The following HMCN2 variants were observed in gnomAD, a reference collection of about 807,000 sequenced individuals.
The protein encoded by HMCN2 is hemicentin-2.
HMCN2 carries 325 observed loss-of-function variants against 377.5 expected under a neutral mutation model. The ratio of observed to expected loss-of-function variants is 0.86; its 90% CI spans 0.79 to 0.94. The LOEUF is 0.94. HMCN2 is among the 40% of genes least tolerant of loss of function. The pLI, the probability that HMCN2 is intolerant of heterozygous loss-of-function variation, is 0.00. For synonymous variants in HMCN2, 2,007 were observed against 2,046.8 expected, an observed-to-expected ratio of 0.98 and a Z score of 0.53; for missense variants, 4,543 against 4,725.3, an observed-to-expected ratio of 0.96 and a Z score of 1.13.
At chr9:130,425,189 G>A (rs1467322002) in intron 89 of HMCN2, 59 bp downstream of exon 89, 22 of 1,475,600 alleles carry the variant, frequency 1.5e-5, no homozygotes, top group Admixed American at 6.9e-5. Context: ...GAAGGTGCCC[G>A]GCTCTCAACC....
At chr9:130,377,855 G>A (rs1588346355) in intron 53 of HMCN2, 56 bp downstream of exon 53, 1 of 983,506 alleles carries the variant, frequency 1.0e-6, no homozygotes. Context: ...GGACATTGTG[G>A]GGCTGGCCCT....
At chr9:130,395,612 G>A (rs1489216557) in intron 71 of HMCN2, among the ~76,000 whole-genome samples, 1 of 152,228 alleles carries the variant, frequency 6.6e-6, no homozygotes, top group Non-Finnish European at 1.5e-5. Context: ...GCTATGCTTA[G>A]CAGCTGTGTG....
At chr9:130,285,808 G>T (rs1362764250) in intron 3 of HMCN2, among the ~76,000 whole-genome samples, 2 of 152,138 alleles carry the variant, frequency 1.3e-5, no homozygotes, top group East Asian at 3.9e-4. Flanking sequence ...CACAGGGCCG[G>T]GACTGCTTCT....
rs890889039 is a variant in HMCN2 at position 130,391,187 on chromosome 9, C to T, written c.9668-17C>T. 1.0e-6 allele frequency: 1 copy of T among 988,052 alleles called. No homozygotes were observed. The allele number at this position is 988,052 out of a possible 1,614,324, so 61.2% of individuals were successfully genotyped here. On this transcript the variant is annotated splice_polypyrimidine_tract_variant and intron_variant, in intron 63 of 97. Transcript: ENST00000683500. The stretch of plus-strand genomic sequence containing the variant: ...GCCCCTGCCATCACCCAGGGCCTCA[C>T]TGCACCCCTGCCTCAGTGGCCCCCC...
At chr9:130,420,065 CTTTTTTTTT>C (rs10586199) in intron 86 of HMCN2, among the ~76,000 whole-genome samples, 1 of 77,028 alleles carries the variant, frequency 1.3e-5, no homozygotes, top group Non-Finnish European at 2.4e-5. Context: ...CGTCCCACTT[CTTTTTTTTT>C]TTTTTTTTTT....
chr9:130,273,980 A>G (rs781990433), intron 1 of HMCN2, among the ~76,000 whole-genome samples: 1 of 152,212 alleles, frequency 6.6e-6, no homozygotes, highest in Non-Finnish European at 1.5e-5. Context: ...GTTGAATTTT[A>G]GCAAGTGATT....
intron 43 of HMCN2, among the ~76,000 whole-genome samples, chr9:130,367,131 G>T (rs1444761774): frequency 6.6e-6 from 1 of 152,156 alleles, no homozygotes; most frequent in African/African-American, 2.4e-5. Flanking sequence ...AGGAGGCAGG[G>T]AATCAGGGAT....
intron 22 of HMCN2, among the ~76,000 whole-genome samples, chr9:130,329,780 C>A (rs1023571771): frequency 5.9e-5 from 9 of 152,128 alleles, no homozygotes; most frequent in Non-Finnish European, 8.8e-5. Flanking sequence ...GCTTTGTTCG[C>A]AGGCTCTGGG....
At chr9:130,353,619 C>T (rs1256402443) in intron 31 of HMCN2, among the ~76,000 whole-genome samples, 1 of 152,256 alleles carries the variant, frequency 6.6e-6, no homozygotes, top group Non-Finnish European at 1.5e-5. Context: ...GGGACTTGAG[C>T]TCTCATGTCC....
At chr9:130,432,955 G>A (rs12684755) in intron 97 of HMCN2, 2 of 345,030 alleles carry the variant, frequency 5.8e-6, no homozygotes, top group African/African-American at 4.2e-5. Context: ...TAGAAACGTA[G>A]GCTGGGGTTG....
intron 1 of HMCN2, among the ~76,000 whole-genome samples, chr9:130,279,308 A>G (rs184373051): frequency 3.8e-4 from 58 of 152,086 alleles, no homozygotes; most frequent in Admixed American, 1.5e-3. Flanking sequence ...CAGTTTCCAC[A>G]TCTTTAGAAA....
chr9:130,406,626 G>T (rs1843105650), intron 82 of HMCN2: 1 of 179,372 alleles, frequency 5.6e-6, no homozygotes, highest in South Asian at 1.3e-4. Flanking sequence ...ACTGCAAAAT[G>T]ATACTTTCCT....
At chr9:130,332,588 C>T (rs1564790162) in intron 22 of HMCN2, among the ~76,000 whole-genome samples, 2 of 152,210 alleles carry the variant, frequency 1.3e-5, no homozygotes, top group African/African-American at 2.4e-5. Context: ...TCTCCGGGCT[C>T]GTGCGATGGC....
At chr9:130,311,849 G>T (rs1837258969) in intron 15 of HMCN2, among the ~76,000 whole-genome samples, 1 of 152,166 alleles carries the variant, frequency 6.6e-6, no homozygotes, top group African/African-American at 2.4e-5. Flanking sequence ...CCCTGAGGGG[G>T]TTGGTGAGAG....
At chr9:130,356,986 G>A (rs1840056745) in intron 34 of HMCN2, among the ~76,000 whole-genome samples, 1 of 150,602 alleles carries the variant, frequency 6.6e-6, no homozygotes, top group African/African-American at 2.4e-5. Context: ...GGATGGAAAG[G>A]TGGAGGGATG....
chr9:130,403,090 C>T lies in HMCN2; in HGVS notation c.11879-104C>T, dbSNP rs901177183. The T allele has an allele frequency of 6.1e-6, 7 of 1,144,482 alleles. No homozygotes were observed. The South Asian group carries it at 9.0e-5, about 15-fold the overall frequency. 70.9% of individuals were successfully genotyped at this position (1,144,482 alleles called of 1,614,324 possible). ...GCTGTGGCCGATGTTTCTAGAACCC[C>T]CGTTCTCCTTAGAGGCCTCTCTCTC... On this transcript the variant is annotated intron_variant, in intron 78 of 97. Coordinates refer to ENST00000683500, the MANE Select transcript of HMCN2 (RefSeq NM_001291815.2).
intron 1 of HMCN2, among the ~76,000 whole-genome samples, chr9:130,283,174 G>A (rs1214464363): frequency 1.3e-5 from 2 of 151,920 alleles, no homozygotes; most frequent in Non-Finnish European, 2.9e-5. Context: ...CCCACTATGC[G>A]CTTATCCTCA....
chr9:130,302,109 T>C (rs1836548057), intron 8 of HMCN2, among the ~76,000 whole-genome samples: 1 of 152,042 alleles, frequency 6.6e-6, no homozygotes, highest in Admixed American at 6.5e-5. Flanking sequence ...TGGTGTGATC[T>C]TGGCTCACTG....
Position 130,362,956 on chromosome 9 carries a change from C to A in HMCN2, c.6198C>A (p.Gly2066=), listed in dbSNP as rs527908830. 26 of 985,726 alleles carry A rather than the reference C, an allele frequency of 2.6e-5. No individual in the cohort carries two copies. Among genetic ancestry groups the A allele is most frequent in the Non-Finnish European group, 2.8e-5 (23 of 829,978 alleles). 61.1% of individuals were successfully genotyped at this position (985,726 alleles called of 1,614,324 possible). A position where few individuals can be genotyped will look rare whatever the true frequency, so the allele number is the denominator to read the frequency against. ...CCTGCGTGGCTGTGAGCGCGGTGGG[C>A]GAGGACCGCCAGGATGTTGTCCTGC... The part of the protein sequence containing the change: ...RYSCVAVSAV[G]EDRQDVVLQV... Residue 2066 remains glycine (G), a synonymous_variant, in exon 40 of 98, where the codon GGC becomes GGA. Transcript: ENST00000683500.
Sources: allele counts gnomAD v4.1 joint callset (sites outside exome capture counted in the v4.1 genomes callset), GRCh38; gene constraint gnomAD v4.1.1; transcripts MANE v1.5; gene names NCBI Gene and HGNC (gene_info 2026-07-23, HGNC 2026-07-21).